Variants in MAPK8IP3 observed in about 807,000 individuals in gnomAD.
MAPK8IP3 encodes C-Jun-amino-terminal kinase-interacting protein 3.
Under a neutral mutation model 157.8 loss-of-function variants are expected in MAPK8IP3, and 49 were observed. The observed-to-expected ratio is 0.31, with a 90% confidence interval of 0.25 to 0.39. The LOEUF (loss-of-function observed/expected upper bound fraction) is 0.39, where lower values mean the gene tolerates loss of function less well. MAPK8IP3 is among the 10% of genes least tolerant of loss of function. MAPK8IP3 has a pLI of 1.00. For missense variants in MAPK8IP3, 1,478 were observed against 1,889.4 expected (o/e 0.78, Z 4.04); for synonymous variants, 897 against 777.7 (o/e 1.15, Z -2.55).
At chr16:1,753,748 C>T (rs1266715909) in intron 8 of MAPK8IP3, among the ~76,000 whole-genome samples, 5 of 151,234 alleles carry the variant, frequency 3.3e-5, no homozygotes, top group African/African-American at 1.2e-4. Flanking sequence ...GCCCCACGTA[C>T]CATTATTTTA....
intron 19 of MAPK8IP3, among the ~76,000 whole-genome samples, 161 bp from the exon 20 acceptor site, chr16:1,764,852 T>G (rs560340397): frequency 5.9e-5 from 9 of 152,230 alleles, no homozygotes; most frequent in Non-Finnish European, 1.2e-4. Context: ...TAGAGTGCAG[T>G]CCTGAGTCCG....
intron 2 of MAPK8IP3, among the ~76,000 whole-genome samples, chr16:1,727,758 G>A (rs2038987603): frequency 1.3e-5 from 2 of 152,202 alleles, no homozygotes; most frequent in Non-Finnish European, 2.9e-5. Context: ...CAGCAGTGCA[G>A]CTTCCCTGGG....
chr16:1,739,750 GTGTGTGACCGTCCA>G (rs2040508499), intron 4 of MAPK8IP3, among the ~76,000 whole-genome samples: 3 of 127,020 alleles, frequency 2.4e-5, no homozygotes, highest in Admixed American at 8.5e-5. Context: ...GTGACCGTCC[GTGTGTGACCGTCCA>G]TGTGAGCGTG....
chr16:1,727,310 C>A (rs973513098), intron 2 of MAPK8IP3, among the ~76,000 whole-genome samples: 4 of 146,378 alleles, frequency 2.7e-5, no homozygotes, highest in Admixed American at 6.8e-5. Context: ...GTGTGAGTGT[C>A]GTGTGCTGTG....
chr16:1,762,615 G>A, intron 14 of MAPK8IP3, 60 bp from the exon 15 acceptor site: 1 of 1,545,734 alleles, frequency 6.5e-7, no homozygotes, highest in Non-Finnish European at 8.7e-7. Context: ...GAGCCAGAGA[G>A]TCGCAGGTAA....
At position 1,741,502 on chromosome 16, in the gene MAPK8IP3, G is replaced by T. The variant is rs929336322; in HGVS notation, c.603-1830G>T. Among the ~76,000 whole-genome samples the T allele has an allele frequency of 1.3e-5, 2 of 152,128 alleles. No homozygotes were observed. The highest frequency in any genetic ancestry group is 2.9e-5 in the Non-Finnish European group (2 of 68,008). On this transcript the variant is annotated intron_variant, in intron 4 of 31. Coordinates refer to ENST00000610761, the MANE Select transcript of MAPK8IP3 (RefSeq NM_001318852.2). This position sits in a 1 kb window ranked among gnomAD's most constrained non-coding sequence, Gnocchi z 6.9. ...GGCCCCTCTGACCCTGCTGTCCCCT[G>T]TAGCATCTGGTGACAGCCAGGACCG... is the stretch of plus-strand genomic sequence containing the variant.
Position 1,766,530 on chromosome 16 carries a change from G to A in MAPK8IP3, c.2821G>A (p.Glu941Lys), listed in dbSNP as rs764955439. ...CTGGAGCCACCGTTCTTCCTGCAGC[G>A]AGAACGGGCCAGAGCCTGACAGCAG... ...TPSSGPQPGS[E>K]NGPEPDSSST... The change falls in exon 23 of 32, where the codon GAG becomes AAG. Residue 941 changes from glutamate (E) to lysine (K), a missense_variant and splice_region_variant. By Grantham distance (56) the Glu-to-Lys change is moderately conservative. Coordinates refer to ENST00000610761, the MANE Select transcript of MAPK8IP3 (RefSeq NM_001318852.2). The A allele has an allele frequency of 9.3e-6, 15 of 1,611,352 alleles. No individual in the cohort carries two copies. Among genetic ancestry groups the A allele is most frequent in the East Asian group, 2.2e-5 (1 of 44,868 alleles).
Position 1,769,960 on chromosome 16 carries a change from C to G in MAPK8IP3, c.*1136C>G, listed in dbSNP as rs577376681. 2 of 152,372 alleles carry G rather than the reference C, an allele frequency of 1.3e-5. No individual in the cohort carries two copies. Among genetic ancestry groups the G allele is most frequent in the Non-Finnish European group, 2.9e-5 (2 of 68,166 alleles). 9.4% of individuals were successfully genotyped at this position (152,372 alleles called of 1,614,324 possible). ...GACTGCTCTCCCTGCCCAGCTGGGC[C>G]TCTCTGGCCTATTCCTACCTTCCAG... On this transcript the variant is annotated 3_prime_UTR_variant, in exon 32 of 32. Coordinates refer to ENST00000610761, the MANE Select transcript of MAPK8IP3 (RefSeq NM_001318852.2).
rs1044624742 is a variant in MAPK8IP3, at chr16:1,744,058, C to T, written c.747+582C>T. 1.6e-5 allele frequency: 16 copies of T among 988,378 alleles called. No individual in the cohort carries two copies. The African/African-American group carries it at 2.4e-4, about 15-fold the overall frequency. 61.2% of individuals were successfully genotyped at this position (988,378 alleles called of 1,614,324 possible). On this transcript the variant is annotated intron_variant, in intron 5 of 31. Transcript: ENST00000610761. Reference sequence around the variant, plus strand: ...GGTACTCACAGCCAGAGTGCGGGGGCCCCAGCAGGTTCTCACAGCCAGCCG... The same window carrying T: ...GGTACTCACAGCCAGAGTGCGGGGGTCCCAGCAGGTTCTCACAGCCAGCCG...
rs2041835362 is a variant in MAPK8IP3 at position 1,759,896 on chromosome 16, G to A, written c.1247-62G>A. 4 of 1,434,214 alleles carry A rather than the reference G, an allele frequency of 2.8e-6. No individual in the cohort carries two copies. The African/African-American group carries it at 4.2e-5, about 15-fold the overall frequency. 88.8% of individuals were successfully genotyped at this position (1,434,214 alleles called of 1,614,324 possible). ...GAAGCGTTGTTGCCCTGAGGCAGGT[G>A]CGGCGGCATCAGTGACCTGTTTTGA... On this transcript the variant is annotated intron_variant, in intron 10 of 31. Coordinates refer to ENST00000610761, the MANE Select transcript of MAPK8IP3 (RefSeq NM_001318852.2).
chr16:1,733,634 G>T (rs1036252210), intron 4 of MAPK8IP3, among the ~76,000 whole-genome samples: 1 of 152,208 alleles, frequency 6.6e-6, no homozygotes, highest in African/African-American at 2.4e-5. Flanking sequence ...CGCCGCCCCC[G>T]TCCCTTGGCT....
In MAPK8IP3 at chr16:1,743,616, G is replaced by A. The variant is rs2040804821; in HGVS notation, c.747+140G>A. 1 of 1,449,932 alleles carries A rather than the reference G, an allele frequency of 6.9e-7. No individual in the cohort carries two copies. Among genetic ancestry groups the A allele is most frequent in the Non-Finnish European group, 9.0e-7 (1 of 1,109,012 alleles). The allele number at this position is 1,449,932 out of a possible 1,614,324, so 89.8% of individuals were successfully genotyped here. The stretch of plus-strand genomic sequence containing the variant: ...CCTCTCCCTTCGTGTGTGGCAGGAT[G>A]GAGAAACCCAGCCAGGGTGTCAGGG... On this transcript the variant is annotated intron_variant, in intron 5 of 31. Transcript: ENST00000610761. This position sits in a 1 kb window ranked among gnomAD's most constrained non-coding sequence, Gnocchi z 5.6.
chr16:1,711,997 A>ACCCCAAGT (rs1268059806), intron 1 of MAPK8IP3, among the ~76,000 whole-genome samples: 4 of 120,900 alleles, frequency 3.3e-5, no homozygotes, highest in African/African-American at 6.3e-5. Flanking sequence ...TCCCCTTGTC[A>ACCCCAAGT]CCCCAAGTAT....
chr16:1,754,506 G>A (rs751389919), intron 8 of MAPK8IP3, among the ~76,000 whole-genome samples: 2 of 152,168 alleles, frequency 1.3e-5, no homozygotes, highest in Non-Finnish European at 2.9e-5. Context: ...GGGCACAGTG[G>A]TTCATGCCTG....
rs1039368704 is a variant in MAPK8IP3, at chr16:1,742,225, G to A, written c.603-1107G>A. Among the ~76,000 whole-genome samples the A allele has an allele frequency of 1.3e-5, 2 of 152,154 alleles. No individual in the cohort carries two copies. Among genetic ancestry groups the A allele is most frequent in the African/African-American group, 2.4e-5 (1 of 41,424 alleles). ...CTCTGGGACCTCTGGGCTGTTGACT[G>A]GAAACCTCCCGCGGAGGAGGACGTA... On this transcript the variant is annotated intron_variant, in intron 4 of 31. Coordinates refer to ENST00000610761, the MANE Select transcript of MAPK8IP3 (RefSeq NM_001318852.2). The surrounding 1 kb of genome is among the most constrained non-coding windows in gnomAD (Gnocchi z 5.0).
chr16:1,763,383 GTGAC>G (rs2042063899), intron 16 of MAPK8IP3, among the ~76,000 whole-genome samples: 1 of 152,254 alleles, frequency 6.6e-6, no homozygotes, highest in South Asian at 2.1e-4. Flanking sequence ...GGAACCCTCA[GTGAC>G]TGTGGCAGCA....
intron 1 of MAPK8IP3, among the ~76,000 whole-genome samples, chr16:1,712,380 T>C (rs1256892783): frequency 2.0e-5 from 3 of 152,042 alleles, no homozygotes; most frequent in African/African-American, 7.2e-5. Flanking sequence ...AGTTCTTTAA[T>C]GTCCCCACTT....
At position 1,768,734 on chromosome 16, in the gene MAPK8IP3, C is replaced by CGCAG; in HGVS notation, c.3926_3929dup (p.Asp1311ArgfsTer54). ...GAGAGGACGACGAGACGGAGGAGGG[C>CGCAG]GCAGGGGACATGAGCCAGGTGAAGC... On this transcript the variant is annotated frameshift_variant, in exon 32 of 32. Transcript: ENST00000610761. LOFTEE classifies it high-confidence loss of function. The CGCAG allele has an allele frequency of 6.2e-7, 1 of 1,612,716 alleles. No homozygotes were observed. Among genetic ancestry groups the CGCAG allele is most frequent in the East Asian group, 2.2e-5 (1 of 44,858 alleles).
At chr16:1,729,024 G>A in intron 2 of MAPK8IP3, 114 bp from the exon 3 acceptor site, 1 of 1,001,686 alleles carries the variant, frequency 1.0e-6, no homozygotes, top group Non-Finnish European at 1.6e-6. Flanking sequence ...GGTTGCCTCA[G>A]GACCCAGAGT....
Sources: gnomAD v4.1 joint callset for allele counts (sites outside exome capture counted in the v4.1 genomes callset) on GRCh38, gnomAD v4.1.1 for gene constraint, Gnocchi (gnomAD v3.1) non-coding constraint, MANE v1.5 for transcripts, NCBI Gene and HGNC (gene_info 2026-07-23, HGNC 2026-07-21) for gene names.